The following MUC12 variants were observed in gnomAD, a reference collection of about 807,000 sequenced individuals.
The protein encoded by MUC12 is mucin-12.
In MUC12, 172 loss-of-function variants were observed where a neutral mutation model predicts 230.8. The ratio of observed to expected loss-of-function variants is 0.75; its 90% CI spans 0.66 to 0.85. MUC12 has a LOEUF of 0.85. Ranked by LOEUF, MUC12 falls within the 40% of genes least tolerant of loss-of-function variation. The probability of loss-of-function intolerance (pLI) is 0.00; values close to 1 mark genes in which losing one functional copy is unlikely to be tolerated. For synonymous variants in MUC12, 1,259 were observed against 2,401.9 expected, an observed-to-expected ratio of 0.52 and a Z score of 13.91; for missense variants, 3,506 against 5,920.6, an observed-to-expected ratio of 0.59 and a Z score of 13.38.
chr7:100,991,737 A>T lies in MUC12; in HGVS notation c.1174A>T (p.Ser392Cys). 1.3e-6 allele frequency: 2 copies of T among 1,538,010 alleles called. No individual in the cohort carries two copies. Among genetic ancestry groups the T allele is most frequent in the South Asian group, 2.4e-5 (2 of 84,062 alleles). Residue 392 changes from serine (S) to cysteine (C), a missense_variant, in exon 2 of 12, where the codon AGC (serine) becomes TGC (cysteine). Coordinates refer to ENST00000536621, the MANE Select transcript of MUC12 (RefSeq NM_001164462.2). ...HSEESATFHGSTTHTKSSTPS... is the reference protein window; with the variant it reads ...HSEESATFHGCTTHTKSSTPS... ...TGAAGAATCAGCAACTTTCCACGGC[A>T]GCACAACACACACAAAATCTTCAAC... is the stretch of plus-strand genomic sequence containing the variant.
intron 1 of MUC12, among the ~76,000 whole-genome samples, chr7:100,980,356 C>T (rs1007726447): frequency 6.6e-6 from 1 of 152,082 alleles, no homozygotes; most frequent in Non-Finnish European, 1.5e-5. Context: ...GAAATACCCC[C>T]TTAACCTTAA....
intron 1 of MUC12, among the ~76,000 whole-genome samples, chr7:100,976,730 C>T (rs1013668190): frequency 2.0e-5 from 3 of 151,414 alleles, no homozygotes; most frequent in Admixed American, 6.6e-5. Context: ...GGTTTTTATA[C>T]GTGGGGAAAC....
rs747125055 is a variant in MUC12, at chr7:100,995,517, A to G, written c.4954A>G (p.Thr1652Ala). The G allele has an allele frequency of 6.5e-7, 1 of 1,535,944 alleles. No homozygotes were observed. The highest frequency in any genetic ancestry group is 1.2e-5 in the South Asian group (1 of 83,986). The change falls in exon 2 of 12, where the codon ACA (threonine) becomes GCA (alanine). Residue 1652 changes from threonine to alanine, a missense_variant. By Grantham distance (58) the Thr-to-Ala change is moderately conservative. Transcript: ENST00000536621. ...AACAACACTCTTACCTGACAACACC[A>G]CAGCCTCAGGCCTCCTTGAAGCATC... ...TETTLLPDNTTASGLLEASTP... is the reference protein window; with the variant it reads ...TETTLLPDNTAASGLLEASTP...
rs1584844877 is a variant in MUC12, at chr7:101,006,542, T to C, written c.15028T>C (p.Cys5010Arg). 6.5e-7 allele frequency: 1 copy of C among 1,537,200 alleles called. No individual in the cohort carries two copies. The highest frequency in any genetic ancestry group is 8.7e-7 in the Non-Finnish European group (1 of 1,146,850). The change falls in exon 3 of 12, where the codon TGC becomes CGC. Residue 5010 changes from cysteine to arginine, a missense_variant. By Grantham distance (180) the Cys-to-Arg change is radical. Coordinates refer to ENST00000536621, the MANE Select transcript of MUC12 (RefSeq NM_001164462.2). ...VCPQGYVGYQ[C>R]LSPLESFPVE... ...TCCCCAAGGCTACGTTGGTTACCAG[T>C]GCTTGTCCCCTCTGGAATCCTTCCC... is the stretch of plus-strand genomic sequence containing the variant.
In MUC12 at chr7:101,004,117, TACG is replaced by T; in HGVS notation, c.13557_13559del (p.Thr4520del). The T allele has an allele frequency of 2.2e-6, 2 of 921,466 alleles. No individual in the cohort carries two copies. Among genetic ancestry groups the T allele is most frequent in the Non-Finnish European group, 3.0e-6 (2 of 667,446 alleles). 57.1% of individuals were successfully genotyped at this position (921,466 alleles called of 1,614,324 possible). A position where few individuals can be genotyped will look rare whatever the true frequency, so the allele number is the denominator to read the frequency against. On this transcript the variant is annotated inframe_deletion, in exon 2 of 12. Coordinates refer to ENST00000536621, the MANE Select transcript of MUC12 (RefSeq NM_001164462.2). The stretch of plus-strand genomic sequence containing the variant: ...CAACCTCAGTTCTTCTTGGAGAATC[TACG>T]ACCTCACCCATCAGTTCAGGCTCAA...
chr7:100,992,031 A>G lies in MUC12; in HGVS notation c.1468A>G (p.Ser490Gly). ...CGGCAGTACCACAAAACCAGGCCTC[A>G]GTGAGAAATCTACCACTTTCTACAG... The part of the protein sequence containing the change: ...LPGSTTKPGL[S>G]EKSTTFYSSP... Residue 490 changes from serine to glycine, a missense_variant, in exon 2 of 12, where the codon AGT becomes GGT. Physicochemically the swap from Ser to Gly is moderately conservative, Grantham distance 56. Transcript: ENST00000536621. 2.0e-6 allele frequency: 3 copies of G among 1,538,008 alleles called. No homozygotes were observed. The South Asian group carries it at 3.6e-5, about 18-fold the overall frequency.
intron 1 of MUC12, among the ~76,000 whole-genome samples, chr7:100,975,429 TAGAC>T (rs1793011864): frequency 6.6e-6 from 1 of 152,312 alleles, no homozygotes; most frequent in Non-Finnish European, 1.5e-5. Flanking sequence ...TGCTTCACAA[TAGAC>T]AAAGGGGCAA....
Position 100,991,509 on chromosome 7 carries a change from C to G in MUC12, c.946C>G (p.His316Asp), listed in dbSNP as rs1313161215. ...CAGCCCGAGCTCAACTCCAACAACC[C>G]ACTTTTCTGCCAGCTCCACAACCTT... Reference protein sequence around the residue: ...HSSPSSTPTTHFSASSTTLGH... With the variant: ...HSSPSSTPTTDFSASSTTLGH... The change falls in exon 2 of 12, where the codon CAC (histidine) becomes GAC (aspartate). Residue 316 changes from histidine to aspartate, a missense_variant. His to Asp is a moderately conservative substitution (Grantham distance 81). Transcript: ENST00000536621. The G allele has an allele frequency of 7.8e-6, 12 of 1,537,066 alleles. No homozygotes were observed. Among genetic ancestry groups the G allele is most frequent in the Non-Finnish European group, 9.6e-6 (11 of 1,146,534 alleles).
In MUC12 at chr7:101,002,303, C is replaced by T; in HGVS notation, c.11740C>T (p.Leu3914Phe). ...CGTTGGAGAATCCACACCCTCACGC[C>T]TCAGTCCAAGCTCAACCGAAACAAC... ...GLVGESTPSRLSPSSTETTTL... is the reference protein window; with the variant it reads ...GLVGESTPSRFSPSSTETTTL... The change falls in exon 2 of 12, where the codon CTC (leucine) becomes TTC (phenylalanine). Residue 3914 changes from leucine to phenylalanine, a missense_variant. Coordinates refer to ENST00000536621, the MANE Select transcript of MUC12 (RefSeq NM_001164462.2). 1 of 1,535,464 alleles carries T rather than the reference C, an allele frequency of 6.5e-7. No homozygotes were observed. Among genetic ancestry groups the T allele is most frequent in the African/African-American group, 1.4e-5 (1 of 72,402 alleles).
Position 101,005,137 on chromosome 7 carries a change from C to G in MUC12, c.14574C>G (p.Gly4858=). Residue 4858 remains glycine (G), a synonymous_variant, in exon 2 of 12, where the codon GGC becomes GGG. Coordinates refer to ENST00000536621, the MANE Select transcript of MUC12 (RefSeq NM_001164462.2). The stretch of plus-strand genomic sequence containing the variant: ...CTACCACCTTCTACAGCAGCCCAGG[C>G]TCAACTGAAACCACAGCGTTTTCTC... The part of the protein sequence containing the change: ...EESTTFYSSP[G]STETTAFSHS... The G allele has an allele frequency of 6.5e-7, 1 of 1,537,976 alleles. No homozygotes were observed. The highest frequency in any genetic ancestry group is 8.7e-7 in the Non-Finnish European group (1 of 1,147,082).
At chr7:100,990,580 A>G (rs1793264539) in intron 1 of MUC12, 51 bp from the exon 2 acceptor site, 1 of 1,533,034 alleles carries the variant, frequency 6.5e-7, no homozygotes, top group Non-Finnish European at 8.7e-7. Flanking sequence ...ACCAAACATG[A>G]GGAGACAGTC....
chr7:101,004,730 A>G lies in MUC12; in HGVS notation c.14167A>G (p.Thr4723Ala). ...TFYISPGSME[T>A]TLASTATTPG... ...CTATATCTCTCCAGGCTCAATGGAA[A>G]CAACATTAGCCAGCACTGCCACAAC... The change falls in exon 2 of 12, where the codon ACA becomes GCA. Residue 4723 changes from threonine to alanine, a missense_variant. Thr to Ala is a moderately conservative substitution (Grantham distance 58). Coordinates refer to ENST00000536621, the MANE Select transcript of MUC12 (RefSeq NM_001164462.2). 3 of 1,537,040 alleles carry G rather than the reference A, an allele frequency of 2.0e-6. No individual in the cohort carries two copies. The highest frequency in any genetic ancestry group is 2.6e-6 in the Non-Finnish European group (3 of 1,146,380).
At position 100,995,358 on chromosome 7, in the gene MUC12, G is replaced by T. The variant is rs1405956572; in HGVS notation, c.4795G>T (p.Gly1599Cys). The stretch of plus-strand genomic sequence containing the variant: ...ATTCCCTGGCAGTACCACCATGCCA[G>T]GCGTCAGTCAGGAATCTACAGCTTC... Reference protein sequence around the residue: ...TAFPGSTTMPGVSQESTASHS... With the variant: ...TAFPGSTTMPCVSQESTASHS... The change falls in exon 2 of 12, where the codon GGC becomes TGC. Residue 1599 changes from glycine (G) to cysteine (C), a missense_variant. Gly to Cys is a radical substitution (Grantham distance 159, BLOSUM62 -3). Coordinates refer to ENST00000536621, the MANE Select transcript of MUC12 (RefSeq NM_001164462.2). 9.1e-6 allele frequency: 14 copies of T among 1,534,786 alleles called. No homozygotes were observed. Among genetic ancestry groups the T allele is most frequent in the Non-Finnish European group, 1.2e-5 (14 of 1,146,500 alleles).
At chr7:100,971,232 A>G (rs12534520) in intron 1 of MUC12, among the ~76,000 whole-genome samples, 113,733 of 141,398 alleles carry the variant, frequency 0.8, 43,059 homozygotes, top group Non-Finnish European at 0.83. Context: ...ACAGAGGCTC[A>G]GGGGTCCTTG....
At chr7:100,989,445 T>C (rs931786657) in intron 1 of MUC12, among the ~76,000 whole-genome samples, 2 of 151,910 alleles carry the variant, frequency 1.3e-5, no homozygotes, top group South Asian at 2.1e-4. Flanking sequence ...AATGGACAAG[T>C]ATGATGTGTA....
At chr7:101,017,515 C>A in intron 10 of MUC12, 60 bp from the exon 11 acceptor site, 2 of 1,088,526 alleles carry the variant, frequency 1.8e-6, no homozygotes, top group Non-Finnish European at 2.7e-6. Context: ...GAAATCCCCT[C>A]TGCCCCCTAG....
At chr7:100,972,093 G>C in intron 1 of MUC12, 1 of 703,206 alleles carries the variant, frequency 1.4e-6, no homozygotes, top group Non-Finnish European at 2.6e-6. Context: ...ATTAGATCCA[G>C]AGACCCCCTG....
At position 101,018,615 on chromosome 7, in the gene MUC12, G is replaced by A. The variant is rs1317894655; in HGVS notation, c.15987G>A (p.Glu5329=). The A allele has an allele frequency of 4.6e-6, 7 of 1,536,154 alleles. No individual in the cohort carries two copies. Among genetic ancestry groups the A allele is most frequent in the Non-Finnish European group, 3.5e-6 (4 of 1,146,322 alleles). ...SGTELHIQRP[E]MVASTV The stretch of plus-strand genomic sequence containing the variant: ...CCCAGCTCCACATCCAGAGGCCGGA[G>A]ATGGTAGCATCCACTGTGTGAGCCA... The change falls in exon 12 of 12, where the codon GAG becomes GAA. Residue 5329 remains glutamate (E), a synonymous_variant. Transcript: ENST00000536621.
Position 100,995,729 on chromosome 7 carries a change from A to C in MUC12, c.5166A>C (p.Ser1722=). ...CAACCTCCCACGGCAGCCCGAGCTC[A>C]ACTCCAACAACCCACTTTTCTGCCA... The part of the protein sequence containing the change: ...LSTTSHGSPS[S]TPTTHFSASS... The change falls in exon 2 of 12, where the codon TCA becomes TCC. Residue 1722 remains serine (S), a synonymous_variant. Coordinates refer to ENST00000536621, the MANE Select transcript of MUC12 (RefSeq NM_001164462.2). 2.0e-6 allele frequency: 3 copies of C among 1,535,512 alleles called. No homozygotes were observed. The highest frequency in any genetic ancestry group is 2.6e-6 in the Non-Finnish European group (3 of 1,146,428).
Sources: allele counts gnomAD v4.1 joint callset (sites outside exome capture counted in the v4.1 genomes callset), GRCh38; gene constraint gnomAD v4.1.1; transcripts MANE v1.5; gene names NCBI Gene and HGNC (gene_info 2026-07-23, HGNC 2026-07-21).